CEP135: variants seen among roughly 807,000 people sequenced by gnomAD.
The protein encoded by CEP135 is centrosomal protein of 135 kDa.
Under a neutral mutation model 157.3 loss-of-function variants are expected in CEP135, and 142 were observed. The observed-to-expected ratio is 0.90, with a 90% CI of 0.79 to 1.04. CEP135 has a LOEUF of 1.04. Ranked by LOEUF, CEP135 falls within the 50% of genes least tolerant of loss-of-function variation. CEP135 has a pLI of 0.00. For missense variants in CEP135, 1,317 were observed against 1,309.2 expected, an observed-to-expected ratio of 1.01 and a Z score of -0.09; for synonymous variants, 396 against 439.8, an observed-to-expected ratio of 0.90 and a Z score of 1.25.
chr4:56,002,647 G>A (rs140349245), intron 17 of CEP135, among the ~76,000 whole-genome samples: 186 of 152,200 alleles, frequency 1.2e-3, no homozygotes, highest in African/African-American at 4.3e-3. Context: ...TGCTAGTATT[G>A]TGTTGAGGAT....
intron 15 of CEP135, among the ~76,000 whole-genome samples, chr4:55,996,309 A>G (rs925334653): frequency 6.6e-6 from 1 of 152,124 alleles, no homozygotes; most frequent in Non-Finnish European, 1.5e-5. Flanking sequence ...GTTTGTGGAG[A>G]CAGGGTCTCA....
intron 11 of CEP135, among the ~76,000 whole-genome samples, chr4:55,975,610 T>C (rs1300938706): frequency 1.3e-5 from 2 of 152,210 alleles, no homozygotes; most frequent in Non-Finnish European, 2.9e-5. Context: ...TGTGTCTCTA[T>C]TTTAGGTCTT....
At chr4:55,982,583 A>G (rs986625749) in intron 13 of CEP135, among the ~76,000 whole-genome samples, 13 of 152,168 alleles carry the variant, frequency 8.5e-5, no homozygotes, top group Non-Finnish European at 1.9e-4. Flanking sequence ...TTAGAGAAAC[A>G]TCTGTTCAGA....
chr4:55,980,131 A>G lies in CEP135; in HGVS notation c.1474-12A>G, dbSNP rs1224689906. 6.3e-7 allele frequency: 1 copy of G among 1,598,046 alleles called. No individual in the cohort carries two copies. Among genetic ancestry groups the G allele is most frequent in the East Asian group, 2.2e-5 (1 of 44,670 alleles). On this transcript the variant is annotated splice_polypyrimidine_tract_variant and intron_variant, in intron 11 of 25. Coordinates refer to ENST00000257287, the MANE Select transcript of CEP135 (RefSeq NM_025009.5). ...GGTGATGATTATATTTTGTTTTTTAATTATGTTTCAGGGTGATTACAATTC... is the reference window on the plus strand; with the variant it reads ...GGTGATGATTATATTTTGTTTTTTAGTTATGTTTCAGGGTGATTACAATTC...
intron 13 of CEP135, among the ~76,000 whole-genome samples, chr4:55,982,654 T>G (rs1560409011): frequency 6.6e-6 from 1 of 152,220 alleles, no homozygotes; most frequent in Non-Finnish European, 1.5e-5. Context: ...TCTTTATATA[T>G]TCTACATACA....
At chr4:56,001,673 GT>G (rs1225036544) in intron 17 of CEP135, among the ~76,000 whole-genome samples, 1 of 152,074 alleles carries the variant, frequency 6.6e-6, no homozygotes, top group African/African-American at 2.4e-5. Context: ...ATATTTTGAA[GT>G]CAGTTAGTGC....
At chr4:55,986,407 T>C (rs373514415) in intron 14 of CEP135, among the ~76,000 whole-genome samples, 3 of 152,238 alleles carry the variant, frequency 2.0e-5, no homozygotes, top group South Asian at 4.2e-4. Context: ...CCAGGCATGG[T>C]GGCATGCACC....
chr4:55,994,961 C>G (rs1322033875), intron 15 of CEP135, among the ~76,000 whole-genome samples: 1 of 152,190 alleles, frequency 6.6e-6, no homozygotes, highest in Non-Finnish European at 1.5e-5. Flanking sequence ...GCTGGGATTA[C>G]AGGTGTGAGC....
chr4:55,992,186 GT>G, intron 15 of CEP135, 101 bp downstream of exon 15: 1 of 1,147,166 alleles, frequency 8.7e-7, no homozygotes, highest in Non-Finnish European at 1.2e-6. Flanking sequence ...TTGTGCAGTA[GT>G]TTTAGAAGTT....
intron 13 of CEP135, among the ~76,000 whole-genome samples, chr4:55,984,597 T>TTAAA (rs1729514206): frequency 6.6e-6 from 1 of 152,192 alleles, no homozygotes; most frequent in African/African-American, 2.4e-5. Context: ...AGTTGAGCAA[T>TTAAA]TAAATAAATA....
intron 24 of CEP135, among the ~76,000 whole-genome samples, chr4:56,023,649 CATATA>C (rs1731043436): frequency 7.1e-6 from 1 of 141,124 alleles, no homozygotes; most frequent in African/African-American, 2.6e-5. Flanking sequence ...ATATATAATA[CATATA>C]ATATATAATA....
chr4:55,992,165 G>T, intron 15 of CEP135, 80 bp downstream of exon 15: 1 of 1,378,844 alleles, frequency 7.3e-7, no homozygotes. Flanking sequence ...ATGGCATTTT[G>T]GACTGGGCCT....
intron 15 of CEP135, among the ~76,000 whole-genome samples, chr4:55,994,361 A>G (rs977903553): frequency 3.3e-5 from 5 of 152,182 alleles, no homozygotes; most frequent in Admixed American, 1.3e-4. Flanking sequence ...AGCCTGGGCA[A>G]TGTGGTGAAA....
chr4:55,959,600 A>G (rs531802843), intron 5 of CEP135, 82 bp from the exon 6 acceptor site: 1 of 1,184,456 alleles, frequency 8.4e-7, no homozygotes, highest in African/African-American at 1.5e-5. Context: ...TATAGAATTT[A>G]TGAAATAACA....
chr4:56,017,937 T>C (rs1421394604), intron 22 of CEP135, 80 bp downstream of exon 22: 2 of 1,158,462 alleles, frequency 1.7e-6, no homozygotes, highest in Admixed American at 2.6e-5. Flanking sequence ...CACCACACCA[T>C]GCATATACTT....
At position 56,023,831 on chromosome 4, in the gene CEP135, CATAT is replaced by C. The variant is rs1212273448; in HGVS notation, c.3321-666_3321-663del. On this transcript the variant is annotated intron_variant, in intron 24 of 25. Transcript: ENST00000257287. ...ATAATATATAATGCATTATATAATACATATATAGACATATAATATATAGTACTTA... is the reference window on the plus strand; with the variant it reads ...ATAATATATAATGCATTATATAATACATAGACATATAATATATAGTACTTA... 9.5e-5 allele frequency among the ~76,000 whole-genome samples: 13 copies of C among 136,886 alleles called. 2 individuals carry two copies. Among genetic ancestry groups the C allele is most frequent in the African/African-American group, 3.0e-4 (11 of 37,056 alleles). The allele number at this position is 136,886 out of a possible 152,430, so 89.8% of individuals were successfully genotyped here. A position where few individuals can be genotyped will look rare whatever the true frequency, so the allele number is the denominator to read the frequency against.
Position 55,953,191 on chromosome 4 carries a change from G to A in CEP135, c.220G>A (p.Glu74Lys). The A allele has an allele frequency of 6.2e-7, 1 of 1,606,088 alleles. No homozygotes were observed. Among genetic ancestry groups the A allele is most frequent in the Non-Finnish European group, 8.5e-7 (1 of 1,177,618 alleles). The change falls in exon 3 of 26, where the codon GAA becomes AAA. Residue 74 changes from glutamate (E) to lysine (K), a missense_variant. Physicochemically the swap from Glu to Lys is moderately conservative, Grantham distance 56 (BLOSUM62 1). Coordinates refer to ENST00000257287, the MANE Select transcript of CEP135 (RefSeq NM_025009.5). ...FDFVLEPYKL[E>K]NARLSRENNE... ...TTTTGTTTTGGAACCCTATAAACTT[G>A]AAAATGCAAGATTGAGTAGAGAAAA...
chr4:55,977,968 A>G (rs755764984), intron 11 of CEP135, among the ~76,000 whole-genome samples: 16 of 152,240 alleles, frequency 1.1e-4, no homozygotes, highest in Non-Finnish European at 2.1e-4. Context: ...GGCATAGAAT[A>G]CAGAGATGAA....
At chr4:55,961,603 A>G (rs545938695) in intron 6 of CEP135, among the ~76,000 whole-genome samples, 14 of 151,642 alleles carry the variant, frequency 9.2e-5, no homozygotes. Flanking sequence ...TATCTCTACT[A>G]AAAATACAAA....
Sources: allele counts gnomAD v4.1 joint callset (sites outside exome capture counted in the v4.1 genomes callset), GRCh38; gene constraint gnomAD v4.1.1; transcripts MANE v1.5; gene names NCBI Gene and HGNC (gene_info 2026-07-23, HGNC 2026-07-21).